Variants in PINX1 observed in about 807,000 individuals in gnomAD.
PINX1 encodes the protein PIN2 (TERF1) interacting telomerase inhibitor 1.
In PINX1, 34 loss-of-function variants were observed where a neutral mutation model predicts 25.4. That is an observed-to-expected ratio of 1.34 (90% CI 1.02 to 1.78). The LOEUF (loss-of-function observed/expected upper bound fraction) is 1.78, where lower values mean the gene tolerates loss of function less well. Ranked by LOEUF, PINX1 falls within the 40% of genes most tolerant of loss-of-function variation. PINX1 has a pLI of 0.00. For synonymous variants in PINX1, 197 were observed against 147.7 expected, an observed-to-expected ratio of 1.33 and a Z score of -2.42; for missense variants, 592 against 404.9, an observed-to-expected ratio of 1.46 and a Z score of -3.97.
chr8:10,833,542 G>A (rs934864941), intron 2 of PINX1: 1 of 161,798 alleles, frequency 6.2e-6, no homozygotes, highest in African/African-American at 2.5e-5. Flanking sequence ...GCCCTGCATG[G>A]AGAAGAGACG....
intron 6 of PINX1, among the ~76,000 whole-genome samples, chr8:10,792,846 A>C (rs1801966368): frequency 6.6e-6 from 1 of 152,170 alleles, no homozygotes; most frequent in Non-Finnish European, 1.5e-5. Flanking sequence ...CATAATGTTT[A>C]CTATGTTAGT....
At chr8:10,824,701 A>C (rs1032639500) in intron 5 of PINX1, among the ~76,000 whole-genome samples, 1 of 152,250 alleles carries the variant, frequency 6.6e-6, no homozygotes, top group Non-Finnish European at 1.5e-5. Flanking sequence ...GCAGTCTGGC[A>C]TCAAAGGAAA....
intron 6 of PINX1, among the ~76,000 whole-genome samples, chr8:10,804,472 G>C (rs1254599902): frequency 6.6e-6 from 1 of 152,154 alleles, no homozygotes; most frequent in Admixed American, 6.5e-5. Flanking sequence ...AGCTGGGCAA[G>C]GGTCTGGTGT....
chr8:10,813,240 G>A (rs528448589), intron 6 of PINX1, among the ~76,000 whole-genome samples: 1 of 152,282 alleles, frequency 6.6e-6, no homozygotes, highest in East Asian at 1.9e-4. Context: ...GGGGAGGGTA[G>A]AGCGATAGGT....
chr8:10,779,026 T>A (rs1006050373), intron 6 of PINX1, among the ~76,000 whole-genome samples: 6 of 152,228 alleles, frequency 3.9e-5, no homozygotes, highest in African/African-American at 1.4e-4. Flanking sequence ...AATGGGAATG[T>A]CTGTTCCTAG....
chr8:10,780,968 G>C (rs1801567417), intron 6 of PINX1, among the ~76,000 whole-genome samples: 1 of 152,112 alleles, frequency 6.6e-6, no homozygotes, highest in Non-Finnish European at 1.5e-5. Context: ...ACAAGCTATA[G>C]TAATTAAAAC....
chr8:10,775,405 T>TTGTG (rs1265028051), intron 6 of PINX1, among the ~76,000 whole-genome samples: 7 of 134,008 alleles, frequency 5.2e-5, no homozygotes, highest in African/African-American at 2.0e-4. Context: ...TCTGTCTGTT[T>TTGTG]TGTGGTTTTT....
At chr8:10,788,490 G>A (rs537343946) in intron 6 of PINX1, among the ~76,000 whole-genome samples, 22 of 152,234 alleles carry the variant, frequency 1.4e-4, no homozygotes, top group South Asian at 8.3e-4. Flanking sequence ...GCTTGAAACC[G>A]GGAGGTGGAG....
intron 6 of PINX1, among the ~76,000 whole-genome samples, chr8:10,785,551 TG>T (rs1230632044): frequency 6.6e-6 from 1 of 152,226 alleles, no homozygotes. Flanking sequence ...TACAAACATT[TG>T]TTGTACTAAT....
intron 6 of PINX1, among the ~76,000 whole-genome samples, chr8:10,794,488 G>A (rs1394491650): frequency 1.3e-5 from 2 of 151,706 alleles, no homozygotes; most frequent in Admixed American, 6.6e-5. Context: ...AGGCTGGAGT[G>A]CACTAGCGCA....
At position 10,805,374 on chromosome 8, in the gene PINX1, T is replaced by C. The variant is rs146477782; in HGVS notation, c.471+14819A>G. ...TCAGTAAGATAAGTTAGGAATGGCA[T>C]ATTTCCATGATACACTTTAGACAAC... On this transcript the variant is annotated intron_variant, in intron 6 of 6. Coordinates refer to ENST00000314787, the MANE Select transcript of PINX1 (RefSeq NM_017884.6). Among the ~76,000 whole-genome samples, 76 of 152,368 alleles carry C rather than the reference T, an allele frequency of 5.0e-4. 1 individual carries two copies. Among genetic ancestry groups the C allele is most frequent in the African/African-American group, 1.4e-3 (60 of 41,596 alleles).
At chr8:10,800,130 T>C (rs377074688) in intron 6 of PINX1, among the ~76,000 whole-genome samples, 2 of 152,290 alleles carry the variant, frequency 1.3e-5, no homozygotes, top group African/African-American at 4.8e-5. Flanking sequence ...GGAAATAACA[T>C]TTTTTCTATC....
Position 10,765,454 on chromosome 8 carries a change from C to G in PINX1, c.934G>C (p.Ala312Pro). The change falls in exon 7 of 7, where the codon GCT (alanine) becomes CCT (proline). Residue 312 changes from alanine to proline, a missense_variant. Transcript: ENST00000314787. The part of the protein sequence containing the change: ...LQKPVEIAED[A>P]TLEETLVKKK... The stretch of plus-strand genomic sequence containing the variant: ...TTCACTAGCGTTTCTTCTAGTGTAG[C>G]GTCCTCTGCTATCTCTACTGGTTTT... 1 of 1,612,542 alleles carries G rather than the reference C, an allele frequency of 6.2e-7. No individual in the cohort carries two copies. The highest frequency in any genetic ancestry group is 2.2e-5 in the East Asian group (1 of 44,886).
intron 6 of PINX1, among the ~76,000 whole-genome samples, chr8:10,767,119 T>C (rs759202187): frequency 2.0e-4 from 31 of 152,180 alleles, no homozygotes; most frequent in Non-Finnish European, 3.4e-4. Context: ...TACGCTTTCA[T>C]GATGGGAGGG....
intron 6 of PINX1, among the ~76,000 whole-genome samples, chr8:10,768,217 C>T (rs1563199105): frequency 6.6e-6 from 1 of 152,202 alleles, no homozygotes; most frequent in African/African-American, 2.4e-5. Context: ...CTGACAGTTT[C>T]GCAGCACTAC....
chr8:10,803,723 G>C (rs1161582983), intron 6 of PINX1, among the ~76,000 whole-genome samples: 2 of 152,200 alleles, frequency 1.3e-5, no homozygotes, highest in Non-Finnish European at 2.9e-5. Context: ...AGGTCTGCTT[G>C]TTCTACTTCC....
chr8:10,767,745 A>G (rs1459962803), intron 6 of PINX1, among the ~76,000 whole-genome samples: 3 of 150,942 alleles, frequency 2.0e-5, no homozygotes, highest in African/African-American at 4.9e-5. Context: ...AGGCTCGGTG[A>G]CCAGGCACCC....
intron 6 of PINX1, among the ~76,000 whole-genome samples, chr8:10,792,006 C>A (rs920143909): frequency 6.6e-6 from 1 of 152,212 alleles, no homozygotes; most frequent in Non-Finnish European, 1.5e-5. Context: ...ACTCTCCGTG[C>A]TGGCCAGGAC....
intron 6 of PINX1, among the ~76,000 whole-genome samples, chr8:10,775,219 GA>G (rs1192470662): frequency 1.3e-5 from 2 of 152,072 alleles, no homozygotes; most frequent in Non-Finnish European, 2.9e-5. Context: ...AAACTTAAGT[GA>G]AAAAGTACAA....
Sources: gnomAD v4.1 joint callset for allele counts (sites outside exome capture counted in the v4.1 genomes callset) on GRCh38, gnomAD v4.1.1 for gene constraint, MANE v1.5 for transcripts, NCBI Gene and HGNC (gene_info 2026-07-23, HGNC 2026-07-21) for gene names.